The following FOXK2 variants were observed in gnomAD, a reference collection of about 807,000 sequenced individuals.
FOXK2 encodes the protein forkhead box protein K2.
In FOXK2, 24 loss-of-function variants were observed where a neutral mutation model predicts 53.3. That is an observed-to-expected ratio of 0.45 (90% CI 0.33 to 0.63). The LOEUF (loss-of-function observed/expected upper bound fraction) is 0.63, where lower values mean the gene tolerates loss of function less well. Ranked by LOEUF, FOXK2 falls within the 30% of genes least tolerant of loss-of-function variation. FOXK2 has a pLI of 0.03. For missense variants in FOXK2, 952 were observed against 910.5 expected (o/e 1.05, Z -0.59); for synonymous variants, 505 against 407.1 (o/e 1.24, Z -2.89).
chr17:82,533,923 C>T (rs1019396302), intron 1 of FOXK2, among the ~76,000 whole-genome samples: 41 of 151,286 alleles, frequency 2.7e-4, no homozygotes, highest in African/African-American at 1.0e-3. Context: ...CACTTGGGCC[C>T]AAGAGGTGGA....
At chr17:82,560,543 CT>C (rs1239059818) in intron 1 of FOXK2, among the ~76,000 whole-genome samples, 1 of 152,212 alleles carries the variant, frequency 6.6e-6, no homozygotes, top group Non-Finnish European at 1.5e-5. Flanking sequence ...ATTTTGCTGT[CT>C]TTTGTTTGAC....
intron 1 of FOXK2, among the ~76,000 whole-genome samples, chr17:82,521,946 A>T (rs2144033288): frequency 6.6e-6 from 1 of 151,882 alleles, no homozygotes; most frequent in South Asian, 2.1e-4. Context: ...AAAAAAAAAA[A>T]AGAAATTTTC....
rs1333805015 is a variant in FOXK2, at chr17:82,603,179, C to T, written c.*1680C>T. 1 of 152,322 alleles carries T rather than the reference C, an allele frequency of 6.6e-6. No homozygotes were observed. Among genetic ancestry groups the T allele is most frequent in the Non-Finnish European group, 1.5e-5 (1 of 68,044 alleles). The allele number at this position is 152,322 out of a possible 1,614,324, so 9.4% of individuals were successfully genotyped here. A position where few individuals can be genotyped will look rare whatever the true frequency, so the allele number is the denominator to read the frequency against. On this transcript the variant is annotated 3_prime_UTR_variant, in exon 9 of 9. Transcript: ENST00000335255. ...GCCGTTTAAGAAATAAAAGCAAAAC[C>T]ATCACGTGACTGAGACCGTGTGTGT...
At chr17:82,531,036 C>A (rs1016468541) in intron 1 of FOXK2, among the ~76,000 whole-genome samples, 1 of 152,156 alleles carries the variant, frequency 6.6e-6, no homozygotes, top group African/African-American at 2.4e-5. Context: ...CCTTGAGGAC[C>A]TGTTCCCACT....
Position 82,587,251 on chromosome 17 carries a change from G to A in FOXK2, c.1765G>A (p.Val589Ile), listed in dbSNP as rs1433689957. Residue 589 changes from valine to isoleucine, a missense_variant, in exon 8 of 9, where the codon GTC becomes ATC. Coordinates refer to ENST00000335255, the MANE Select transcript of FOXK2 (RefSeq NM_004514.4). ...GTHVASVPTA[V>I]HGQVNNAAAS... The stretch of plus-strand genomic sequence containing the variant: ...TCACGTGGCATCAGTCCCCACTGCG[G>A]TCCACGGCCAGGTGAACAATGGTAA... 6.2e-7 allele frequency: 1 copy of A among 1,612,902 alleles called. No individual in the cohort carries two copies. Among genetic ancestry groups the A allele is most frequent in the Non-Finnish European group, 8.5e-7 (1 of 1,179,888 alleles).
intron 4 of FOXK2, among the ~76,000 whole-genome samples, chr17:82,575,792 G>A (rs1182241623): frequency 6.6e-6 from 1 of 152,218 alleles, no homozygotes; most frequent in Non-Finnish European, 1.5e-5. Context: ...GAACCCCATT[G>A]AGGCTGAAGT....
chr17:82,555,728 C>T (rs971171822), intron 1 of FOXK2, among the ~76,000 whole-genome samples: 6 of 124,622 alleles, frequency 4.8e-5, no homozygotes, highest in African/African-American at 1.9e-4. Context: ...ACTAAAAATA[C>T]AAAAAAAAAA....
chr17:82,571,981 G>T, intron 4 of FOXK2, 111 bp downstream of exon 4: 1 of 1,070,150 alleles, frequency 9.3e-7, no homozygotes, highest in Admixed American at 3.6e-5. Flanking sequence ...AGGGGGGGTT[G>T]GAGCCTCCCG....
chr17:82,564,379 T>G (rs200201583), intron 2 of FOXK2, among the ~76,000 whole-genome samples: 16 of 123,254 alleles, frequency 1.3e-4, no homozygotes, highest in African/African-American at 2.1e-4. Context: ...AGCTGGCTGG[T>G]TTTTTTTTGT....
chr17:82,530,675 A>G (rs1386205435), intron 1 of FOXK2, among the ~76,000 whole-genome samples: 1 of 151,662 alleles, frequency 6.6e-6, no homozygotes, highest in Non-Finnish European at 1.5e-5. Flanking sequence ...ACGCTCTGCT[A>G]ATTTTTGTAT....
chr17:82,585,983 T>C lies in FOXK2; in HGVS notation c.1359T>C (p.Thr453=). Reference sequence around the variant, plus strand: ...AGGCCATCAAGCCTGTCACCTACACTGTGGCCACCCCAGTGACCACCTCGA... The same window carrying C: ...AGGCCATCAAGCCTGTCACCTACACCGTGGCCACCCCAGTGACCACCTCGA... ...LPQAIKPVTY[T]VATPVTTSTS... Residue 453 remains threonine (T), a synonymous_variant, in exon 7 of 9, where the codon ACT becomes ACC. Coordinates refer to ENST00000335255, the MANE Select transcript of FOXK2 (RefSeq NM_004514.4). 3 of 1,612,768 alleles carry C rather than the reference T, an allele frequency of 1.9e-6. No homozygotes were observed. In the South Asian group the frequency reaches 3.3e-5, roughly 18 times the overall value.
intron 2 of FOXK2, among the ~76,000 whole-genome samples, chr17:82,566,766 C>T (rs2144120837): frequency 6.6e-6 from 1 of 152,288 alleles, no homozygotes; most frequent in Non-Finnish European, 1.5e-5. Flanking sequence ...TTGCTTGCCC[C>T]TCCCCACACC....
rs147412287 is a variant in FOXK2, at chr17:82,524,824, C to T, written c.419+4517C>T. Among the ~76,000 whole-genome samples, 538 of 152,270 alleles carry T rather than the reference C, an allele frequency of 3.5e-3. 4 individuals are homozygous for T. Among genetic ancestry groups the T allele is most frequent in the African/African-American group, 0.012 (514 of 41,560 alleles). Reference sequence around the variant, plus strand: ...GTGAGCCAGTGGAGGTTGCCTCCCACGTGTGGCTGGCCCTGTAGCCTGGCT... The same window carrying T: ...GTGAGCCAGTGGAGGTTGCCTCCCATGTGTGGCTGGCCCTGTAGCCTGGCT... On this transcript the variant is annotated intron_variant, in intron 1 of 8. Coordinates refer to ENST00000335255, the MANE Select transcript of FOXK2 (RefSeq NM_004514.4).
chr17:82,590,169 G>A lies in FOXK2; in HGVS notation c.1786+2897G>A, dbSNP rs528165226. Among the ~76,000 whole-genome samples the A allele has an allele frequency of 2.6e-5, 4 of 152,296 alleles. No individual in the cohort carries two copies. In the East Asian group the frequency reaches 7.7e-4, roughly 29 times the overall value. On this transcript the variant is annotated intron_variant, in intron 8 of 8. Transcript: ENST00000335255. ...AGATGAGAGAGGCTGTTCAGAGAGA[G>A]GAGGTGGCAGATGGGCTTTAAGAAA...
At chr17:82,586,660 G>C (rs1254530817) in intron 7 of FOXK2, among the ~76,000 whole-genome samples, 2 of 152,030 alleles carry the variant, frequency 1.3e-5, no homozygotes, top group African/African-American at 2.4e-5. Flanking sequence ...CCAGCACTAT[G>C]GGGGGCTGAG....
intron 1 of FOXK2, among the ~76,000 whole-genome samples, chr17:82,561,197 C>T (rs1409762184): frequency 6.6e-6 from 1 of 152,136 alleles, no homozygotes; most frequent in Non-Finnish European, 1.5e-5. Context: ...GGATGGACTC[C>T]TGTATTCTGG....
chr17:82,538,824 C>T lies in FOXK2; in HGVS notation c.419+18517C>T, dbSNP rs143487945. ...GCCCAGCCCAGAGAAGGGACTTGTA[C>T]CCTACGCCATACCCACAGCTCACAG... On this transcript the variant is annotated intron_variant, in intron 1 of 8. Transcript: ENST00000335255. Among the ~76,000 whole-genome samples, 83 of 152,316 alleles carry T rather than the reference C, an allele frequency of 5.4e-4. 1 individual carries two copies. Among genetic ancestry groups the T allele is most frequent in the Non-Finnish European group, 1.0e-3 (70 of 68,026 alleles).
In FOXK2 at chr17:82,587,185, C is replaced by G; in HGVS notation, c.1699C>G (p.Gln567Glu). Residue 567 changes from glutamine (Q) to glutamate (E), a missense_variant, in exon 8 of 9, where the codon CAA becomes GAA. Gln to Glu is a conservative substitution (Grantham distance 29). This residue lies in a region of FOXK2 where 551 missense variants were observed against 385.1 expected (regional missense o/e 1.43). Coordinates refer to ENST00000335255, the MANE Select transcript of FOXK2 (RefSeq NM_004514.4). ...VTIVQQAPLG[Q>E]HQLPIKTVTQ... Reference sequence around the variant, plus strand: ...CATAGTACAACAGGCACCTCTAGGTCAACACCAGCTACCAATAAAAACTGT... The same window carrying G: ...CATAGTACAACAGGCACCTCTAGGTGAACACCAGCTACCAATAAAAACTGT... 6.2e-7 allele frequency: 1 copy of G among 1,613,076 alleles called. No individual in the cohort carries two copies. Among genetic ancestry groups the G allele is most frequent in the Non-Finnish European group, 8.5e-7 (1 of 1,180,018 alleles).
intron 3 of FOXK2, among the ~76,000 whole-genome samples, chr17:82,570,979 C>A (rs752088705): frequency 6.6e-6 from 1 of 152,118 alleles, no homozygotes; most frequent in Non-Finnish European, 1.5e-5. Flanking sequence ...TCCTCATGGG[C>A]GGCAGGGTCT....
Sources: allele counts gnomAD v4.1 joint callset (sites outside exome capture counted in the v4.1 genomes callset), GRCh38; gene constraint gnomAD v4.1.1; regional missense constraint gnomAD v4.1.1; transcripts MANE v1.5; gene names NCBI Gene and HGNC (gene_info 2026-07-23, HGNC 2026-07-21).